Variants in ANKMY2 observed in about 807,000 individuals in gnomAD.
The protein encoded by ANKMY2 is ankyrin repeat and MYND domain-containing protein 2.
A neutral mutation model predicts 50.4 loss-of-function variants in ANKMY2; 36 were observed. That is an observed-to-expected ratio of 0.71 (90% CI 0.55 to 0.94). ANKMY2 has a LOEUF of 0.94. ANKMY2 is among the 40% of genes least tolerant of loss of function. ANKMY2 has a pLI of 0.00. For missense variants in ANKMY2, 565 were observed against 524.0 expected (o/e 1.08, Z -0.76); for synonymous variants, 187 against 178.8 (o/e 1.05, Z -0.36).
chr7:16,610,292 T>C (rs1781225995), intron 6 of ANKMY2, among the ~76,000 whole-genome samples: 1 of 152,192 alleles, frequency 6.6e-6, no homozygotes, highest in African/African-American at 2.4e-5. Context: ...ACACATGTTA[T>C]TTAACCTCTC....
At chr7:16,644,734 G>A (rs762198053) in intron 1 of ANKMY2, 3 of 470,874 alleles carry the variant, frequency 6.4e-6, no homozygotes, top group East Asian at 1.4e-4. Flanking sequence ...CGTCCACTCG[G>A]GGACTCCGGG....
chr7:16,601,013 T>A, intron 9 of ANKMY2, 68 bp from the exon 10 acceptor site: 1 of 1,256,266 alleles, frequency 8.0e-7, no homozygotes, highest in Non-Finnish European at 1.1e-6. Flanking sequence ...ATGCTTTACA[T>A]GTATTATTTA....
At chr7:16,601,093 G>A in intron 9 of ANKMY2, 148 bp from the exon 10 acceptor site, 1 of 591,084 alleles carries the variant, frequency 1.7e-6, no homozygotes, top group Non-Finnish European at 2.5e-6. Context: ...TTACAAATGA[G>A]AAAACTGAGA....
At chr7:16,642,737 A>G (rs1241288211) in intron 1 of ANKMY2, among the ~76,000 whole-genome samples, 1 of 152,200 alleles carries the variant, frequency 6.6e-6, no homozygotes, top group Non-Finnish European at 1.5e-5. Context: ...GCCTTTCTTC[A>G]ACTATAAAAT....
At chr7:16,601,073 T>G in intron 9 of ANKMY2, 128 bp from the exon 10 acceptor site, 2 of 635,926 alleles carry the variant, frequency 3.1e-6, no homozygotes, top group Non-Finnish European at 4.6e-6. Flanking sequence ...CTGTCATCGC[T>G]AACGTTATTT....
intron 6 of ANKMY2, 26 bp from the exon 7 acceptor site, chr7:16,609,791 T>C: frequency 6.2e-7 from 1 of 1,606,772 alleles, no homozygotes; most frequent in Non-Finnish European, 8.5e-7. Context: ...TAAAGCGTAA[T>C]TGGAGTTGAA....
intron 7 of ANKMY2, among the ~76,000 whole-genome samples, chr7:16,608,594 G>A (rs1781196640): frequency 6.6e-6 from 1 of 152,170 alleles, no homozygotes; most frequent in African/African-American, 2.4e-5. Context: ...AGCCATGGAT[G>A]GGACTGGTCT....
chr7:16,639,331 G>A (rs1410290046), intron 1 of ANKMY2, among the ~76,000 whole-genome samples: 3 of 152,148 alleles, frequency 2.0e-5, no homozygotes, highest in African/African-American at 7.2e-5. Context: ...ACTGCTGGGG[G>A]TGGAAGATAG....
intron 3 of ANKMY2, among the ~76,000 whole-genome samples, chr7:16,626,606 A>C (rs1350413561): frequency 6.6e-6 from 1 of 152,234 alleles, no homozygotes; most frequent in African/African-American, 2.4e-5. Context: ...ATAATAAACA[A>C]TACAAATCCG....
intron 8 of ANKMY2, 60 bp downstream of exon 8, chr7:16,604,661 T>C: frequency 1.3e-6 from 2 of 1,564,516 alleles, no homozygotes; most frequent in Non-Finnish European, 1.7e-6. Context: ...TAAAACTCAA[T>C]CATCAGCTTG....
intron 4 of ANKMY2, among the ~76,000 whole-genome samples, chr7:16,618,394 G>A (rs573210014): frequency 6.6e-6 from 1 of 151,746 alleles, no homozygotes; most frequent in Admixed American, 6.6e-5. Context: ...AACAAATCCA[G>A]GAAATCTAAT....
chr7:16,633,644 G>A (rs928081635), intron 2 of ANKMY2, among the ~76,000 whole-genome samples: 4 of 152,042 alleles, frequency 2.6e-5, no homozygotes, highest in African/African-American at 9.7e-5. Flanking sequence ...AAAGCTGTCT[G>A]AAATAAGCTA....
At position 16,645,632 on chromosome 7, in the gene ANKMY2, G is replaced by A; in HGVS notation, c.-59C>T. The A allele has an allele frequency of 1.3e-6, 2 of 1,575,002 alleles. No homozygotes were observed. Among genetic ancestry groups the A allele is most frequent in the Admixed American group, 1.8e-5 (1 of 54,394 alleles). ...TAGGGAGTATTAAAAAAGAAACGAT[G>A]CGTCTGTATTGGGAACGCCAGCCGC... On this transcript the variant is annotated 5_prime_UTR_variant, in exon 1 of 10. Coordinates refer to ENST00000306999, the MANE Select transcript of ANKMY2 (RefSeq NM_020319.3).
intron 1 of ANKMY2, 51 bp from the exon 2 acceptor site, chr7:16,636,506 A>T: frequency 7.1e-7 from 1 of 1,405,268 alleles, no homozygotes; most frequent in Non-Finnish European, 9.8e-7. Context: ...CTAGAATAAG[A>T]GAAAAATCTA....
intron 4 of ANKMY2, among the ~76,000 whole-genome samples, chr7:16,622,900 A>G (rs1220730581): frequency 1.3e-5 from 2 of 152,238 alleles, no homozygotes; most frequent in Admixed American, 6.5e-5. Context: ...TAAAACATAG[A>G]AAATCAAGGA....
chr7:16,617,290 G>A (rs1040962113), intron 4 of ANKMY2, among the ~76,000 whole-genome samples: 9 of 152,110 alleles, frequency 5.9e-5, no homozygotes, highest in African/African-American at 2.2e-4. Context: ...TCTTCTTGAA[G>A]ATTCTATAAG....
intron 4 of ANKMY2, among the ~76,000 whole-genome samples, chr7:16,624,082 C>T (rs866451710): frequency 8.5e-5 from 13 of 152,108 alleles, no homozygotes; most frequent in African/African-American, 3.1e-4. Context: ...TGTGTTTTCG[C>T]ACCATTTGTC....
At chr7:16,640,478 A>T (rs1205657195) in intron 1 of ANKMY2, among the ~76,000 whole-genome samples, 1 of 152,186 alleles carries the variant, frequency 6.6e-6, no homozygotes, top group Non-Finnish European at 1.5e-5. Flanking sequence ...TCACACAACC[A>T]TGAGATTCAA....
chr7:16,628,836 T>G (rs947360410), intron 2 of ANKMY2, among the ~76,000 whole-genome samples: 2 of 152,066 alleles, frequency 1.3e-5, no homozygotes, highest in African/African-American at 4.8e-5. Flanking sequence ...TGCCCAGCAA[T>G]CCAACCTACA....
Sources: gnomAD v4.1 joint callset for allele counts (sites outside exome capture counted in the v4.1 genomes callset) on GRCh38, gnomAD v4.1.1 for gene constraint, MANE v1.5 for transcripts, NCBI Gene and HGNC (gene_info 2026-07-23, HGNC 2026-07-21) for gene names.